The following PCDH7 variants were observed in gnomAD, a reference collection of about 807,000 sequenced individuals.
PCDH7 encodes the protein protocadherin-7.
Under a neutral mutation model 58.9 loss-of-function variants are expected in PCDH7, and 17 were observed. That is an observed-to-expected ratio of 0.29 (90% CI 0.20 to 0.43). The LOEUF (loss-of-function observed/expected upper bound fraction) is 0.43, where lower values mean the gene tolerates loss of function less well. Among genes scored for constraint, PCDH7 ranks in the 20% least tolerant of loss-of-function variants. PCDH7 has a pLI of 1.00. For missense variants in PCDH7, 1,274 were observed against 1,441.0 expected, an observed-to-expected ratio of 0.88 and a Z score of 1.88; for synonymous variants, 664 against 616.4, an observed-to-expected ratio of 1.08 and a Z score of -1.14.
chr4:30,824,113 TTCTTTCTTTC>T, intron 1 of PCDH7, among the ~76,000 whole-genome samples: 2 of 142,752 alleles, frequency 1.4e-5, no homozygotes, highest in Non-Finnish European at 3.0e-5. Context: ...CTTTCTTTCT[TTCTTTCTTTC>T]TTTCTTTCTT....
At chr4:30,731,196 TA>T in exon 2 of PCDH7, 1 of 960,312 alleles carries the variant, frequency 1.0e-6, no homozygotes, top group Non-Finnish European at 1.2e-6. Context: ...TGATTTTGAA[TA>T]AAAATCTAAA....
chr4:30,777,124 A>G (rs939919721), intron 1 of PCDH7, among the ~76,000 whole-genome samples: 4 of 152,138 alleles, frequency 2.6e-5, no homozygotes, highest in African/African-American at 9.7e-5. Context: ...CCTGTGCTTA[A>G]AACTCCAATA....
chr4:30,910,155 C>T (rs1035900476), intron 1 of PCDH7, among the ~76,000 whole-genome samples: 4 of 152,262 alleles, frequency 2.6e-5, no homozygotes, highest in Admixed American at 2.6e-4. Context: ...CCCTTCCTTA[C>T]ACCTTATACA....
At chr4:30,817,674 T>C (rs1039370998) in intron 1 of PCDH7, among the ~76,000 whole-genome samples, 1 of 152,076 alleles carries the variant, frequency 6.6e-6, no homozygotes, top group Non-Finnish European at 1.5e-5. Context: ...ATGGTGGATT[T>C]TTTTTTTTAG....
At chr4:31,025,939 C>T (rs141076140) in intron 3 of PCDH7, among the ~76,000 whole-genome samples, 2 of 152,304 alleles carry the variant, frequency 1.3e-5, no homozygotes, top group African/African-American at 4.8e-5. Flanking sequence ...CAATGCTTAA[C>T]ATATAAGACT....
chr4:30,853,325 G>C (rs1043314497), intron 1 of PCDH7, among the ~76,000 whole-genome samples: 1 of 152,072 alleles, frequency 6.6e-6, no homozygotes, highest in Non-Finnish European at 1.5e-5. Flanking sequence ...ATGTCTAGGA[G>C]AGTGTGCGGT....
At chr4:30,968,511 T>G (rs1749256647) in intron 3 of PCDH7, among the ~76,000 whole-genome samples, 7 of 150,828 alleles carry the variant, frequency 4.6e-5, no homozygotes, top group Admixed American at 4.0e-4. Context: ...GATCAGAATC[T>G]TCTTTTTAAT....
chr4:30,724,554 C>T, exon 1 of PCDH7: 1 of 1,613,886 alleles, frequency 6.2e-7, no homozygotes, highest in Non-Finnish European at 8.5e-7. Context: ...CAGATCACTG[C>T]TCTGAGTACA....
rs560549209 is a variant in PCDH7 at position 30,986,303 on chromosome 4, G to C, written c.*7+36088G>C. ...TCAGGTCTGTCCTTTCTTCCCAAGAGGTCATTTTTAGTCTTTTAAAAAAAA... is the reference window on the plus strand; with the variant it reads ...TCAGGTCTGTCCTTTCTTCCCAAGACGTCATTTTTAGTCTTTTAAAAAAAA... On this transcript the variant is annotated intron_variant, in intron 3 of 3. Coordinates refer to the PCDH7 transcript ENST00000509759. 5.5e-4 allele frequency among the ~76,000 whole-genome samples: 83 copies of C among 151,998 alleles called. No homozygotes were observed. The South Asian group carries it at 0.015, about 28-fold the overall frequency.
chr4:30,953,920 A>T (rs989332110), intron 3 of PCDH7, among the ~76,000 whole-genome samples: 1 of 152,138 alleles, frequency 6.6e-6, no homozygotes, highest in Non-Finnish European at 1.5e-5. Context: ...CATTGCAAGT[A>T]ATTGACTTGA....
At chr4:30,983,496 C>T (rs777146878) in intron 3 of PCDH7, among the ~76,000 whole-genome samples, 44 of 152,082 alleles carry the variant, frequency 2.9e-4, no homozygotes, top group African/African-American at 8.9e-4. Flanking sequence ...CTTTAACTTA[C>T]GGAATTTCAA....
intron 3 of PCDH7, among the ~76,000 whole-genome samples, chr4:30,970,485 A>T (rs1560543247): frequency 1.3e-5 from 2 of 151,650 alleles, no homozygotes; most frequent in Non-Finnish European, 2.9e-5. Flanking sequence ...TAGTAGAGAC[A>T]GGTTTCACCA....
At position 30,788,124 on chromosome 4, in the gene PCDH7, A is replaced by G. The variant is rs192961804; in HGVS notation, c.70+63528A>G. ...CGGCAGGATGTGAATCATGGGTGCT[A>G]TTATAGAAAAAAATAGGGAAATATC... is the stretch of plus-strand genomic sequence containing the variant. On this transcript the variant is annotated intron_variant, in intron 1 of 3. Transcript: ENST00000509759. Among the ~76,000 whole-genome samples the G allele has an allele frequency of 3.9e-3, 588 of 152,238 alleles. 6 individuals are homozygous for G. The highest frequency in any genetic ancestry group is 0.013 in the African/African-American group (524 of 41,566).
At chr4:30,776,960 C>T (rs1722148027) in intron 1 of PCDH7, among the ~76,000 whole-genome samples, 1 of 150,646 alleles carries the variant, frequency 6.6e-6, no homozygotes, top group Non-Finnish European at 1.5e-5. Context: ...ATTAAAAATC[C>T]CAGTAATATT....
chr4:31,079,984 A>T (rs1759368187), intron 3 of PCDH7, among the ~76,000 whole-genome samples: 1 of 152,172 alleles, frequency 6.6e-6, no homozygotes, highest in Non-Finnish European at 1.5e-5. Context: ...ACTCAGTAAG[A>T]AGTGCCGCAA....
intron 1 of PCDH7, among the ~76,000 whole-genome samples, chr4:30,824,312 C>T (rs1728834914): frequency 6.6e-6 from 1 of 151,882 alleles, no homozygotes; most frequent in African/African-American, 2.4e-5. Flanking sequence ...AAAATTTAAA[C>T]ACAAGCTCTG....
At chr4:30,912,810 A>T (rs1741966710) in intron 1 of PCDH7, among the ~76,000 whole-genome samples, 1 of 152,158 alleles carries the variant, frequency 6.6e-6, no homozygotes, top group Non-Finnish European at 1.5e-5. Flanking sequence ...AGGGGAAAGC[A>T]TCTGCACTCT....
intron 1 of PCDH7, among the ~76,000 whole-genome samples, chr4:30,883,610 G>A (rs1260745619): frequency 6.6e-6 from 1 of 152,136 alleles, no homozygotes; most frequent in African/African-American, 2.4e-5. Context: ...TCATCCAATA[G>A]TATTTGCTTT....
intron 3 of PCDH7, among the ~76,000 whole-genome samples, chr4:31,035,073 T>C (rs1208071734): frequency 6.6e-6 from 1 of 152,150 alleles, no homozygotes; most frequent in Non-Finnish European, 1.5e-5. Flanking sequence ...AAAATTAGAA[T>C]TCAGGTCACT....
Sources: gnomAD v4.1 joint callset for allele counts (sites outside exome capture counted in the v4.1 genomes callset) on GRCh38, gnomAD v4.1.1 for gene constraint, MANE v1.5 for transcripts, NCBI Gene and HGNC (gene_info 2026-07-23, HGNC 2026-07-21) for gene names.